Variants in PROS1 observed in about 807,000 individuals in gnomAD.
PROS1 encodes vitamin K-dependent protein S.
Under a neutral mutation model 75.9 loss-of-function variants are expected in PROS1, and 29 were observed. That is an observed-to-expected ratio of 0.38 (90% CI 0.28 to 0.52). PROS1 has a LOEUF of 0.52. Among genes scored for constraint, PROS1 ranks in the 20% least tolerant of loss-of-function variants. The probability of loss-of-function intolerance (pLI) is 0.83; values close to 1 mark genes in which losing one functional copy is unlikely to be tolerated. For synonymous variants in PROS1, 245 were observed against 280.6 expected (o/e 0.87, Z 1.27); for missense variants, 680 against 810.3 (o/e 0.84, Z 1.95).
chr3:93,968,173 T>C (rs1175878496), intron 1 of PROS1, among the ~76,000 whole-genome samples: 1 of 152,180 alleles, frequency 6.6e-6, no homozygotes, highest in Non-Finnish European at 1.5e-5. Flanking sequence ...CTAGTACCTG[T>C]AAATATGACC....
intron 1 of PROS1, among the ~76,000 whole-genome samples, chr3:93,965,094 C>A (rs144125114): frequency 6.6e-6 from 1 of 152,168 alleles, no homozygotes; most frequent in African/African-American, 2.4e-5. Flanking sequence ...GAGAGCACAG[C>A]GGGAGGGACA....
At position 93,966,881 on chromosome 3, in the gene PROS1, C is replaced by A. The variant is rs146746146; in HGVS notation, c.76+6793G>T. ...CTGAATCTTACCATGTTGGGATGTG[C>A]GCCAGTGTTGTCAGATGTTCCTTCA... is the stretch of plus-strand genomic sequence containing the variant. On this transcript the variant is annotated intron_variant, in intron 1 of 14. Transcript: ENST00000394236. Among the ~76,000 whole-genome samples the A allele has an allele frequency of 3.6e-3, 542 of 151,582 alleles. 2 individuals carry two copies. Among genetic ancestry groups the A allele is most frequent in the African/African-American group, 0.012 (516 of 41,296 alleles).
At chr3:93,886,202 T>C in intron 11 of PROS1, 134 bp downstream of exon 11, 5 of 727,972 alleles carry the variant, frequency 6.9e-6, no homozygotes, top group Non-Finnish European at 1.2e-5. Flanking sequence ...TATTTTTCCA[T>C]GATCATTTCA....
intron 4 of PROS1, among the ~76,000 whole-genome samples, chr3:93,908,080 A>G (rs1708703251): frequency 6.6e-6 from 1 of 152,172 alleles, no homozygotes; most frequent in Non-Finnish European, 1.5e-5. Flanking sequence ...CCTGGGAGGC[A>G]GAGGCTGCAG....
chr3:93,891,817 T>C (rs984360346), intron 10 of PROS1, among the ~76,000 whole-genome samples: 13 of 152,036 alleles, frequency 8.6e-5, no homozygotes, highest in African/African-American at 3.1e-4. Flanking sequence ...CCCAGCACTT[T>C]GGGAAGCCAA....
chr3:93,959,265 G>A (rs1311268824), intron 1 of PROS1, among the ~76,000 whole-genome samples: 1 of 152,052 alleles, frequency 6.6e-6, no homozygotes, highest in Non-Finnish European at 1.5e-5. Context: ...GATGAGCTGT[G>A]ATCACACCAC....
intron 3 of PROS1, among the ~76,000 whole-genome samples, chr3:93,914,919 A>G (rs1393121190): frequency 6.6e-6 from 1 of 152,130 alleles, no homozygotes; most frequent in Non-Finnish European, 1.5e-5. Flanking sequence ...CTGTGAACAT[A>G]CAATGTTTGG....
intron 7 of PROS1, 130 bp downstream of exon 7, chr3:93,900,674 A>G (rs2107161713): frequency 7.6e-7 from 1 of 1,315,182 alleles, no homozygotes; most frequent in Middle Eastern, 2.6e-4. Flanking sequence ...TGATTACCCA[A>G]TTGAACAAGC....
intron 1 of PROS1, among the ~76,000 whole-genome samples, chr3:93,931,460 A>G (rs959877170): frequency 1.3e-5 from 2 of 152,240 alleles, no homozygotes; most frequent in Admixed American, 1.3e-4. Flanking sequence ...TTAGAACTTC[A>G]GTGGAATGGG....
chr3:93,889,720 A>G (rs1234282553), intron 10 of PROS1, among the ~76,000 whole-genome samples: 1 of 152,202 alleles, frequency 6.6e-6, no homozygotes, highest in East Asian at 1.9e-4. Flanking sequence ...AATAATACTC[A>G]TAATTTCTTA....
At chr3:93,954,245 C>CA (rs1559950412) in intron 1 of PROS1, among the ~76,000 whole-genome samples, 1 of 152,030 alleles carries the variant, frequency 6.6e-6, no homozygotes, top group African/African-American at 2.4e-5. Context: ...TATATGGAAC[C>CA]AAAAAAGAGC....
intron 1 of PROS1, among the ~76,000 whole-genome samples, chr3:93,963,139 A>C (rs1709733762): frequency 6.6e-6 from 1 of 152,214 alleles, no homozygotes; most frequent in Non-Finnish European, 1.5e-5. Flanking sequence ...CGATTTGTGC[A>C]AGTCTCATTT....
At chr3:93,903,660 T>C (rs2107167328) in intron 6 of PROS1, among the ~76,000 whole-genome samples, 1 of 152,096 alleles carries the variant, frequency 6.6e-6, no homozygotes, top group South Asian at 2.1e-4. Context: ...CAAAACCCTA[T>C]CTATCTTAAA....
chr3:93,955,254 C>G (rs889093966), intron 1 of PROS1, among the ~76,000 whole-genome samples: 1 of 152,168 alleles, frequency 6.6e-6, no homozygotes, highest in Non-Finnish European at 1.5e-5. Flanking sequence ...ATAAATCATG[C>G]TGCTATAAAG....
intron 14 of PROS1, among the ~76,000 whole-genome samples, chr3:93,874,847 G>A (rs1708159171): frequency 6.6e-6 from 1 of 151,790 alleles, no homozygotes; most frequent in South Asian, 2.1e-4. Flanking sequence ...TATTATTGTT[G>A]GAATAAAAGC....
At chr3:93,886,885 A>G (rs1708355819) in intron 10 of PROS1, among the ~76,000 whole-genome samples, 1 of 151,504 alleles carries the variant, frequency 6.6e-6, no homozygotes, top group South Asian at 2.1e-4. Context: ...TAATACGCAC[A>G]TGGAATCAAT....
intron 1 of PROS1, among the ~76,000 whole-genome samples, chr3:93,952,336 C>T (rs1415513889): frequency 6.6e-6 from 1 of 152,160 alleles, no homozygotes; most frequent in African/African-American, 2.4e-5. Context: ...AAGAAAAGCA[C>T]TCCTCAGCAA....
In PROS1 at chr3:93,910,611, GTGCTTACCAT is replaced by G. The variant is rs1310240075; in HGVS notation, c.344_346+7del. On this transcript the variant is annotated splice_donor_variant and splice_donor_5th_base_variant and coding_sequence_variant and intron_variant, in exon 4 of 15. Coordinates refer to ENST00000394236, the MANE Select transcript of PROS1 (RefSeq NM_000313.4). LOFTEE classifies it high-confidence loss of function. ...TTTGTTTTTTCAATTGATGGTAGAAGTGCTTACCATTGACACAGCTTCTTAGGTCAGGATA... is the reference window on the plus strand; with the variant it reads ...TTTGTTTTTTCAATTGATGGTAGAAGTGACACAGCTTCTTAGGTCAGGATA... 6.2e-7 allele frequency: 1 copy of G among 1,603,440 alleles called. No homozygotes were observed. Among genetic ancestry groups the G allele is most frequent in the Non-Finnish European group, 8.5e-7 (1 of 1,170,672 alleles).
intron 1 of PROS1, among the ~76,000 whole-genome samples, chr3:93,971,354 TCTAAATAA>T (rs1403197558): frequency 1.2e-4 from 12 of 103,664 alleles, no homozygotes; most frequent in South Asian, 3.7e-4. Context: ...AGACTCCATC[TCTAAATAA>T]ATAAATAAAT....
Sources: gnomAD v4.1 joint callset for allele counts (sites outside exome capture counted in the v4.1 genomes callset) on GRCh38, gnomAD v4.1.1 for gene constraint, MANE v1.5 for transcripts, NCBI Gene and HGNC (gene_info 2026-07-23, HGNC 2026-07-21) for gene names.